The following FASN variants were observed in gnomAD, a reference collection of about 807,000 sequenced individuals.
The protein encoded by FASN is fatty acid synthase, also known as 3-hydroxyacyl-[acyl-carrier-protein] dehydratase.
Under a neutral mutation model 250.0 loss-of-function variants are expected in FASN, and 50 were observed. That is an observed-to-expected ratio of 0.20 (90% CI 0.16 to 0.25). The LOEUF (loss-of-function observed/expected upper bound fraction) is 0.25, where lower values mean the gene tolerates loss of function less well. Ranked by LOEUF, FASN falls within the 10% of genes least tolerant of loss-of-function variation. The pLI, the probability that FASN is intolerant of heterozygous loss-of-function variation, is 1.00. For missense variants in FASN, 3,031 were observed against 3,498.5 expected, an observed-to-expected ratio of 0.87 and a Z score of 3.37; for synonymous variants, 1,909 against 1,584.0, an observed-to-expected ratio of 1.21 and a Z score of -4.87.
In FASN at chr17:82,093,351, T is replaced by C. The variant is rs1183368199; in HGVS notation, c.523A>G (p.Ile175Val). 2 of 1,603,650 alleles carry C rather than the reference T, an allele frequency of 1.2e-6. No homozygotes were observed. Among genetic ancestry groups the C allele is most frequent in the East Asian group, 2.2e-5 (1 of 44,554 alleles). ...LMALQNAYQA[I>V]HSGQCPAAIV... ...GCGGCAGGGCACTGCCCGCTGTGGA[T>C]GGCCTGGTAGGCGTTCTGCAGGGCC... The change falls in exon 5 of 43, where the codon ATC becomes GTC. Residue 175 changes from isoleucine (I) to valine (V), a missense_variant. Coordinates refer to ENST00000306749, the MANE Select transcript of FASN (RefSeq NM_004104.5).
chr17:82,089,229 C>T, intron 13 of FASN, 21 bp downstream of exon 13: 1 of 1,611,740 alleles, frequency 6.2e-7, no homozygotes, highest in Non-Finnish European at 8.5e-7. Context: ...GCCCCGCACC[C>T]CCCAGGCCGT....
chr17:82,083,349 G>A lies in FASN; in HGVS notation c.5418C>T (p.Asp1806=). The A allele has an allele frequency of 1.2e-6, 2 of 1,612,818 alleles. No individual in the cohort carries two copies. Among genetic ancestry groups the A allele is most frequent in the Non-Finnish European group, 1.7e-6 (2 of 1,179,994 alleles). ...LDAFFNESSA[D]WREVWALVQA... ...GCACAAGCGCCCACACCTCCCGCCAGTCAGCACTGCTCTCGTTGAAGAACG... is the reference window on the plus strand; with the variant it reads ...GCACAAGCGCCCACACCTCCCGCCAATCAGCACTGCTCTCGTTGAAGAACG... Residue 1806 remains aspartate, a synonymous_variant, in exon 32 of 43, where the codon GAC becomes GAT. Coordinates refer to ENST00000306749, the MANE Select transcript of FASN (RefSeq NM_004104.5).
At chr17:82,088,606 C>T in intron 15 of FASN, 44 bp from the exon 16 acceptor site, 2 of 1,588,358 alleles carry the variant, frequency 1.3e-6, no homozygotes, top group Non-Finnish European at 1.7e-6. Flanking sequence ...TCACCGGGGT[C>T]CAGGGGCTCT....
In FASN at chr17:82,083,883, C is replaced by T. The variant is rs1244636141; in HGVS notation, c.5107G>A (p.Glu1703Lys). 1 of 1,568,276 alleles carries T rather than the reference C, an allele frequency of 6.4e-7. No homozygotes were observed. Among genetic ancestry groups the T allele is most frequent in the East Asian group, 2.3e-5 (1 of 43,242 alleles). ...CTGGCCTGGAGGTACGCCCGCTTCTCAGCCGACCCTGGTGAAGAGAGGAAG... is the reference window on the plus strand; with the variant it reads ...CTGGCCTGGAGGTACGCCCGCTTCTTAGCCGACCCTGGTGAAGAGAGGAAG... ...CRVFTTVGSAEKRAYLQARFP... is the reference protein window; with the variant it reads ...CRVFTTVGSAKKRAYLQARFP... The change falls in exon 30 of 43, where the codon GAG becomes AAG. Residue 1703 changes from glutamate to lysine, a missense_variant. Glu to Lys is a moderately conservative substitution (Grantham distance 56). Coordinates refer to ENST00000306749, the MANE Select transcript of FASN (RefSeq NM_004104.5).
At chr17:82,092,387 C>T in intron 8 of FASN, 68 bp downstream of exon 8, 1 of 1,504,238 alleles carries the variant, frequency 6.6e-7, no homozygotes, top group Non-Finnish European at 9.0e-7. Context: ...GCAGCAGTGC[C>T]CAGCCATGGC....
In FASN at chr17:82,096,277, G is replaced by A. The variant is rs771149267; in HGVS notation, c.127+42C>T. The A allele has an allele frequency of 4.4e-6, 7 of 1,608,304 alleles. 1 individual carries two copies. In the East Asian group the frequency reaches 1.3e-4, roughly 31 times the overall value. ...TGCTGTGAGGACAAAGGTGGAGATG[G>A]AGCTTCACACCCCAGGCACGGGGAG... On this transcript the variant is annotated intron_variant, in intron 2 of 42. Transcript: ENST00000306749.
In FASN at chr17:82,086,557, C is replaced by G. The variant is rs1156642508; in HGVS notation, c.3429G>C (p.Gly1143=). The stretch of plus-strand genomic sequence containing the variant: ...CCTTGGTCTGCAGTGCCTGCACCAG[C>G]CCTGGGGAGGGAGGGAGGCAGGCCT... ...ALQEELQLCK[G]LVQALQTKVT... Residue 1143 remains glycine, a splice_region_variant and synonymous_variant, in exon 22 of 43, where the codon GGG becomes GGC. Coordinates refer to ENST00000306749, the MANE Select transcript of FASN (RefSeq NM_004104.5). The G allele has an allele frequency of 3.1e-6, 5 of 1,609,456 alleles. No homozygotes were observed. The South Asian group carries it at 5.5e-5, about 18-fold the overall frequency.
At chr17:82,090,139 G>A (rs1304317467) in intron 11 of FASN, among the ~76,000 whole-genome samples, 1 of 152,210 alleles carries the variant, frequency 6.6e-6, no homozygotes, top group African/African-American at 2.4e-5. Context: ...ATCACACGGG[G>A]GCTCCACGCA....
In FASN at chr17:82,084,139, G is replaced by C. The variant is rs1205888170; in HGVS notation, c.4934C>G (p.Ala1645Gly). The C allele has an allele frequency of 6.3e-7, 1 of 1,593,284 alleles. No individual in the cohort carries two copies. The highest frequency in any genetic ancestry group is 8.5e-7 in the Non-Finnish European group (1 of 1,171,188). Residue 1645 changes from alanine (A) to glycine (G), a missense_variant, in exon 29 of 43, where the codon GCG becomes GGG. Coordinates refer to ENST00000306749, the MANE Select transcript of FASN (RefSeq NM_004104.5). ...DVPSNWTLEEAASVPVVYSTA... is the reference protein window; with the variant it reads ...DVPSNWTLEEGASVPVVYSTA... The stretch of plus-strand genomic sequence containing the variant: ...GCTGTAGACGACAGGCACCGAGGCC[G>C]CCTCCTCCAGCGTCCTGGGGATGCA...
At chr17:82,088,937 C>T (rs2034153551) in intron 14 of FASN, 32 bp downstream of exon 14, 1 of 1,608,376 alleles carries the variant, frequency 6.2e-7, no homozygotes, top group Non-Finnish European at 8.5e-7. Flanking sequence ...ATCCCAGGCT[C>T]CCGGCGCCTG....
rs751955817 is a variant in FASN, at chr17:82,092,603, G to A, written c.895-14C>T. ...GGGGTCGCCCACCTGTGGGAAACAT[G>A]GGGGGTGAGGGGCTCTGGCCAGGTC... On this transcript the variant is annotated splice_polypyrimidine_tract_variant and intron_variant, in intron 7 of 42. Coordinates refer to ENST00000306749, the MANE Select transcript of FASN (RefSeq NM_004104.5). 1.4e-5 allele frequency: 22 copies of A among 1,595,282 alleles called. No homozygotes were observed. The highest frequency in any genetic ancestry group is 6.7e-5 in the Admixed American group (4 of 59,490).
Position 82,087,071 on chromosome 17 carries a change from C to T in FASN, c.3406G>A (p.Glu1136Lys). 1 of 1,611,398 alleles carries T rather than the reference C, an allele frequency of 6.2e-7. No individual in the cohort carries two copies. The highest frequency in any genetic ancestry group is 8.5e-7 in the Non-Finnish European group (1 of 1,179,926). The change falls in exon 21 of 43, where the codon GAG becomes AAG. Residue 1136 changes from glutamate (E) to lysine (K), a missense_variant. Physicochemically the swap from Glu to Lys is moderately conservative, Grantham distance 56. Coordinates refer to ENST00000306749, the MANE Select transcript of FASN (RefSeq NM_004104.5). ...GCLSERAALQ[E>K]ELQLCKGLVQ... ...TCACCCTTGCACAGTTGCAGCTCCT[C>T]CTGCAGGGCAGCGCGCTCAGACAGG...
At position 82,079,096 on chromosome 17, in the gene FASN, G is replaced by C; in HGVS notation, c.*47C>G. 1 of 1,559,390 alleles carries C rather than the reference G, an allele frequency of 6.4e-7. No individual in the cohort carries two copies. The highest frequency in any genetic ancestry group is 8.6e-7 in the Non-Finnish European group (1 of 1,156,242). Reference sequence around the variant, plus strand: ...TGCATGGCGGGGGTGGGGTGGGGTGGGGTGGGGATGGTGGAGTGACCTCCG... The same window carrying C: ...TGCATGGCGGGGGTGGGGTGGGGTGCGGTGGGGATGGTGGAGTGACCTCCG... On this transcript the variant is annotated 3_prime_UTR_variant, in exon 43 of 43. Transcript: ENST00000306749.
Position 82,079,288 on chromosome 17 carries a change from G to T in FASN, c.7399-8C>A, listed in dbSNP as rs766103010. 1 of 1,613,030 alleles carries T rather than the reference G, an allele frequency of 6.2e-7. No individual in the cohort carries two copies. Among genetic ancestry groups the T allele is most frequent in the Admixed American group, 1.7e-5 (1 of 60,018 alleles). ...TACTTTCCCGTCGCATACCTGCAGG[G>T]GATGCGATCAGCTGCCGTCCCACCC... On this transcript the variant is annotated splice_region_variant and splice_polypyrimidine_tract_variant and intron_variant, in intron 42 of 42. Transcript: ENST00000306749.
In FASN at chr17:82,089,693, G is replaced by A; in HGVS notation, c.1904C>T (p.Pro635Leu). The A allele has an allele frequency of 1.9e-6, 3 of 1,590,932 alleles. No individual in the cohort carries two copies. The highest frequency in any genetic ancestry group is 2.6e-6 in the Non-Finnish European group (3 of 1,170,578). ...LSWEECKQRC[P>L]PGVVPACHNS... ...GTGGCAGGCGGGCACCACGCCCGGG[G>A]GGCAGCGCTGTTTACACTCCTCCCA... The change falls in exon 12 of 43, where the codon CCC becomes CTC. Residue 635 changes from proline to leucine, a missense_variant. Transcript: ENST00000306749.
rs2228307 is a variant in FASN, at chr17:82,083,019, T to C, written c.5662A>G (p.Ile1888Val). 5.0e-3 allele frequency: 8,047 copies of C among 1,612,872 alleles called. 319 individuals carry two copies. The African/African-American group carries it at 0.094, about 19-fold the overall frequency. ...AAGCCACCCAGACCACCAGCGATGA[T>C]GTAGCTCTTGTGGGCCGGGCAGAAG... ...KTFCPAHKSYIIAGGLGGFGL... is the reference protein window; with the variant it reads ...KTFCPAHKSYVIAGGLGGFGL... Residue 1888 changes from isoleucine to valine, a missense_variant, in exon 33 of 43, where the codon ATC becomes GTC. Coordinates refer to ENST00000306749, the MANE Select transcript of FASN (RefSeq NM_004104.5).
chr17:82,091,944 G>A (rs750996676), intron 8 of FASN, among the ~76,000 whole-genome samples: 15 of 152,216 alleles, frequency 9.9e-5, no homozygotes, highest in Non-Finnish European at 1.6e-4. Flanking sequence ...CCAAAGCCTG[G>A]CTGTGGCCTG....
chr17:82,082,297 C>A (rs374731545), intron 35 of FASN, 26 bp downstream of exon 35: 1 of 1,610,798 alleles, frequency 6.2e-7, no homozygotes, highest in Admixed American at 1.7e-5. Flanking sequence ...CCGGCAGAGG[C>A]GGGAGCAGGG....
At chr17:82,087,277 G>C in intron 20 of FASN, 24 bp from the exon 21 acceptor site, 1 of 1,604,662 alleles carries the variant, frequency 6.2e-7, no homozygotes, top group Non-Finnish European at 8.5e-7. Flanking sequence ...CTGGGTGAGT[G>C]CGGCATACTT....
Sources: allele counts gnomAD v4.1 joint callset (sites outside exome capture counted in the v4.1 genomes callset), GRCh38; gene constraint gnomAD v4.1.1; transcripts MANE v1.5; gene names NCBI Gene and HGNC (gene_info 2026-07-23, HGNC 2026-07-21).